The following DPP6 variants were observed in gnomAD, a reference collection of about 807,000 sequenced individuals.
DPP6 encodes the protein A-type potassium channel modulatory protein DPP6.
In DPP6, 69 loss-of-function variants were observed where a neutral mutation model predicts 122.6. The observed-to-expected ratio is 0.56, with a 90% CI of 0.46 to 0.69. The LOEUF (loss-of-function observed/expected upper bound fraction) is 0.69, where lower values mean the gene tolerates loss of function less well. DPP6 is among the 30% of genes least tolerant of loss of function. The pLI, the probability that DPP6 is intolerant of heterozygous loss-of-function variation, is 0.00. For missense variants in DPP6, 928 were observed against 1,116.9 expected, an observed-to-expected ratio of 0.83 and a Z score of 2.41; for synonymous variants, 418 against 433.1, an observed-to-expected ratio of 0.97 and a Z score of 0.43.
chr7:154,772,001 CT>C (rs1166793428), intron 9 of DPP6, among the ~76,000 whole-genome samples: 1 of 152,148 alleles, frequency 6.6e-6, no homozygotes, highest in Non-Finnish European at 1.5e-5. Flanking sequence ...CCATGGTTAT[CT>C]TTTTGTGGGA....
chr7:154,231,244 G>A (rs1305919300), intron 1 of DPP6, among the ~76,000 whole-genome samples: 3 of 152,268 alleles, frequency 2.0e-5, no homozygotes, highest in East Asian at 3.9e-4. Flanking sequence ...GATAGAGATG[G>A]CTAGCATGAC....
chr7:153,895,272 C>G (rs1199596600), intron 1 of DPP6, among the ~76,000 whole-genome samples: 1 of 152,200 alleles, frequency 6.6e-6, no homozygotes, highest in Non-Finnish European at 1.5e-5. Flanking sequence ...GAAGGCTGCC[C>G]TCGACCAGCA....
chr7:154,371,261 C>T (rs949704731), intron 1 of DPP6, among the ~76,000 whole-genome samples: 7 of 151,260 alleles, frequency 4.6e-5, no homozygotes, highest in African/African-American at 1.7e-4. Flanking sequence ...CACCTATAAT[C>T]CCAGCTACTC....
the DPP6 span, among the ~76,000 whole-genome samples, chr7:153,769,124 C>T: frequency 6.6e-6 from 1 of 152,136 alleles, no homozygotes; most frequent in African/African-American, 2.4e-5. Context: ...GTCTTGTACC[C>T]ATTGATCTCA....
the DPP6 span, among the ~76,000 whole-genome samples, chr7:153,850,560 T>C: frequency 6.6e-6 from 1 of 152,198 alleles, no homozygotes; most frequent in African/African-American, 2.4e-5. Context: ...TAGTCTGTTC[T>C]CATGCTGCTA....
the DPP6 span, among the ~76,000 whole-genome samples, chr7:153,866,729 C>G: frequency 2.6e-5 from 4 of 152,190 alleles, no homozygotes; most frequent in South Asian, 8.3e-4. Flanking sequence ...TTGCCCATGC[C>G]TATGTCTTGA....
chr7:154,452,291 G>T (rs1401134506), intron 2 of DPP6, among the ~76,000 whole-genome samples: 1 of 152,242 alleles, frequency 6.6e-6, no homozygotes, highest in African/African-American at 2.4e-5. Flanking sequence ...AAGGCAGGGT[G>T]TGGTGGAGGC....
At chr7:154,729,810 C>T (rs1224535140) in intron 8 of DPP6, among the ~76,000 whole-genome samples, 2 of 152,166 alleles carry the variant, frequency 1.3e-5, no homozygotes, top group South Asian at 2.1e-4. Flanking sequence ...CCTTCTGAGC[C>T]CCAGGAGAAT....
intron 1 of DPP6, among the ~76,000 whole-genome samples, chr7:154,078,133 A>G (rs974883557): frequency 6.6e-6 from 1 of 152,066 alleles, no homozygotes; most frequent in Non-Finnish European, 1.5e-5. Flanking sequence ...ACTGTATTTT[A>G]TATATCATCT....
chr7:154,435,845 GA>G (rs1239563932), intron 1 of DPP6, among the ~76,000 whole-genome samples: 1 of 152,188 alleles, frequency 6.6e-6, no homozygotes, highest in Non-Finnish European at 1.5e-5. Flanking sequence ...ATATTAGGAA[GA>G]AAATACATTT....
chr7:154,794,251 T>TCAGAC, intron 11 of DPP6, 49 bp downstream of exon 11: 15 of 1,526,436 alleles, frequency 9.8e-6, no homozygotes, highest in Non-Finnish European at 1.3e-5. Flanking sequence ...GAACCGATGG[T>TCAGAC]CAGACGCGCC....
At chr7:153,849,902 A>T in the DPP6 span, among the ~76,000 whole-genome samples, 1 of 152,166 alleles carries the variant, frequency 6.6e-6, no homozygotes, top group Non-Finnish European at 1.5e-5. Flanking sequence ...TAAAAAATCA[A>T]TTAATTTGTA....
chr7:153,883,171 C>T (rs965626438), upstream of DPP6, among the ~76,000 whole-genome samples: 1 of 152,062 alleles, frequency 6.6e-6, no homozygotes, highest in Non-Finnish European at 1.5e-5. Flanking sequence ...AATATAGGAC[C>T]ACCTTCACAT....
At chr7:153,811,031 T>C in the DPP6 span, among the ~76,000 whole-genome samples, 2 of 151,772 alleles carry the variant, frequency 1.3e-5, no homozygotes, top group Non-Finnish European at 2.9e-5. Context: ...CTTGCTTAAC[T>C]TGACTTGGAC....
intron 1 of DPP6, among the ~76,000 whole-genome samples, chr7:154,359,198 C>T (rs1292902300): frequency 3.9e-5 from 6 of 152,164 alleles, no homozygotes; most frequent in Non-Finnish European, 7.4e-5. Flanking sequence ...AAGCCCCCTG[C>T]GTGCTGGGTG....
At chr7:153,912,996 A>G (rs564960365) in intron 1 of DPP6, among the ~76,000 whole-genome samples, 1 of 152,316 alleles carries the variant, frequency 6.6e-6, no homozygotes, top group East Asian at 1.9e-4. Flanking sequence ...TTAGCTGGTA[A>G]CCAACGATGG....
intron 16 of DPP6, among the ~76,000 whole-genome samples, chr7:154,817,471 A>G (rs1799491669): frequency 6.6e-6 from 1 of 152,180 alleles, no homozygotes; most frequent in Non-Finnish European, 1.5e-5. Flanking sequence ...TGAGTGATTA[A>G]TATGAGCAAC....
chr7:154,878,067 G>A (rs1291532640), intron 20 of DPP6, among the ~76,000 whole-genome samples: 1 of 152,162 alleles, frequency 6.6e-6, no homozygotes, highest in Non-Finnish European at 1.5e-5. Context: ...TTTCATTTGT[G>A]TGTGGCTTCC....
At chr7:154,853,584 A>G (rs1802571431) in intron 16 of DPP6, among the ~76,000 whole-genome samples, 196 bp from the exon 17 acceptor site, 1 of 152,226 alleles carries the variant, frequency 6.6e-6, no homozygotes, top group Admixed American at 6.5e-5. Flanking sequence ...ACAGGTGCAG[A>G]GGTAGGGAGC....
Sources: gnomAD v4.1 joint callset for allele counts (sites outside exome capture counted in the v4.1 genomes callset) on GRCh38, gnomAD v4.1.1 for gene constraint, MANE v1.5 for transcripts, NCBI Gene and HGNC (gene_info 2026-07-23, HGNC 2026-07-21) for gene names.